HTT: variants seen among roughly 807,000 people sequenced by gnomAD.
The protein encoded by HTT is huntington disease protein.
A neutral mutation model predicts 362.3 loss-of-function variants in HTT; 104 were observed. The observed-to-expected ratio is 0.29, with a 90% CI of 0.24 to 0.34. HTT has a LOEUF of 0.34. Ranked by LOEUF, HTT falls within the 10% of genes least tolerant of loss-of-function variation. The pLI, the probability that HTT is intolerant of heterozygous loss-of-function variation, is 1.00. For synonymous variants in HTT, 1,577 were observed against 1,548.7 expected (o/e 1.02, Z -0.43); for missense variants, 3,301 against 3,928.6 (o/e 0.84, Z 4.27).
At chr4:3,196,302 G>A (rs145880222) in intron 40 of HTT, among the ~76,000 whole-genome samples, 57 of 152,222 alleles carry the variant, frequency 3.7e-4, no homozygotes, top group African/African-American at 1.3e-3. Flanking sequence ...ACATCCCAGC[G>A]GAACAGGGGA....
intron 41 of HTT, among the ~76,000 whole-genome samples, chr4:3,202,328 G>A (rs1719622144): frequency 6.6e-6 from 1 of 152,130 alleles, no homozygotes; most frequent in Non-Finnish European, 1.5e-5. Context: ...GTTGACAGTG[G>A]ACCTTCTTTA....
chr4:3,181,433 T>C (rs79631914), intron 36 of HTT, among the ~76,000 whole-genome samples: 2,079 of 152,322 alleles, frequency 0.014, 39 homozygotes, highest in African/African-American at 0.043. Context: ...AGCTGATTTC[T>C]GGTTTTGTTT....
At chr4:3,125,470 C>A in intron 10 of HTT, 79 bp from the exon 11 acceptor site, 1 of 841,358 alleles carries the variant, frequency 1.2e-6, no homozygotes, top group Non-Finnish European at 2.0e-6. Flanking sequence ...TTATGAGTTT[C>A]ATTTTAGAGT....
At chr4:3,225,416 T>C (rs951571904) in intron 56 of HTT, among the ~76,000 whole-genome samples, 13 of 152,224 alleles carry the variant, frequency 8.5e-5, no homozygotes, top group African/African-American at 3.1e-4. Flanking sequence ...TGCAGTCTTA[T>C]TTGTCATAGA....
intron 6 of HTT, among the ~76,000 whole-genome samples, chr4:3,110,069 C>G (rs1182381280): frequency 2.0e-5 from 3 of 152,188 alleles, no homozygotes; most frequent in Non-Finnish European, 4.4e-5. Flanking sequence ...ATGTCGTGTT[C>G]AATCTTCTTC....
At chr4:3,207,406 T>A in intron 45 of HTT, 49 bp downstream of exon 45, 1 of 1,408,282 alleles carries the variant, frequency 7.1e-7, no homozygotes, top group Non-Finnish European at 9.9e-7. Flanking sequence ...ACCCAGGATA[T>A]AAAGGATATA....
rs144035877 is a variant in HTT, at chr4:3,146,878, G to A, written c.3225G>A (p.Ser1075=). Residue 1075 remains serine (S), a synonymous_variant, in exon 25 of 67, where the codon TCG becomes TCA. Transcript: ENST00000355072. ...GMATMILTLL[S]SAWFPLDLSA... The stretch of plus-strand genomic sequence containing the variant: ...CCACAATGATTCTGACCCTGCTCTC[G>A]TCAGCTTGGTTCCCATTGGATCTCT... The A allele has an allele frequency of 3.1e-6, 5 of 1,614,148 alleles. No homozygotes were observed. The highest frequency in any genetic ancestry group is 3.3e-5 in the Admixed American group (2 of 60,028).
chr4:3,124,814 T>C (rs183806856), intron 10 of HTT, among the ~76,000 whole-genome samples: 1 of 152,334 alleles, frequency 6.6e-6, no homozygotes. Flanking sequence ...ATGGAAGTTA[T>C]CATACTTCTG....
chr4:3,198,516 C>A (rs1034418363), intron 40 of HTT, among the ~76,000 whole-genome samples: 1 of 152,186 alleles, frequency 6.6e-6, no homozygotes, highest in Admixed American at 6.5e-5. Flanking sequence ...TGAGCCACCA[C>A]ACCCGGCCTG....
At chr4:3,198,835 T>C (rs2110261014) in intron 40 of HTT, among the ~76,000 whole-genome samples, 1 of 152,354 alleles carries the variant, frequency 6.6e-6, no homozygotes, top group Non-Finnish European at 1.5e-5. Context: ...CCGCTTGGCC[T>C]GCCTAGGCCC....
At chr4:3,085,191 G>A (rs1437928783) in intron 1 of HTT, among the ~76,000 whole-genome samples, 1 of 151,596 alleles carries the variant, frequency 6.6e-6, no homozygotes, top group Non-Finnish European at 1.5e-5. Flanking sequence ...AGGCTAGAGT[G>A]CAATGGCGCA....
intron 65 of HTT, 88 bp from the exon 66 acceptor site, chr4:3,238,730 G>GCCCCCCCCCCCCCCCC: frequency 4.6e-6 from 5 of 1,096,996 alleles, no homozygotes; most frequent in Admixed American, 2.1e-5. Context: ...AATGCCTCTG[G>GCCCCCCCCCCCCCCCC]CCCCCACCCC....
intron 57 of HTT, among the ~76,000 whole-genome samples, chr4:3,226,542 G>A (rs1414690846): frequency 1.3e-5 from 2 of 152,230 alleles, no homozygotes; most frequent in African/African-American, 2.4e-5. Flanking sequence ...CCCTACAGGT[G>A]TATGCTGGGC....
At chr4:3,121,599 G>C in intron 9 of HTT, 167 bp downstream of exon 9, 1 of 569,082 alleles carries the variant, frequency 1.8e-6, no homozygotes, top group Non-Finnish European at 3.1e-6. Flanking sequence ...AGTTGGGCTG[G>C]GTGTGGTGGC....
chr4:3,172,171 A>G (rs1718012916), intron 29 of HTT, 149 bp from the exon 30 acceptor site: 1 of 645,002 alleles, frequency 1.6e-6, no homozygotes, highest in Non-Finnish European at 2.8e-6. Context: ...TGACTGTTCA[A>G]AATAAGAAAT....
chr4:3,116,077 C>T lies in HTT; in HGVS notation c.890-8C>T, dbSNP rs1176802724. On this transcript the variant is annotated splice_polypyrimidine_tract_variant and splice_region_variant and intron_variant, in intron 7 of 66. Transcript: ENST00000355072. ...AGATGTTAAGATGTCTTGCTTCCAC[C>T]CCCACAGGCTTACTCGTTCCTGTCG... 1 of 1,598,636 alleles carries T rather than the reference C, an allele frequency of 6.3e-7. No homozygotes were observed. Among genetic ancestry groups the T allele is most frequent in the Non-Finnish European group, 8.6e-7 (1 of 1,168,454 alleles).
chr4:3,180,294 TC>T, intron 35 of HTT, among the ~76,000 whole-genome samples: 1 of 152,208 alleles, frequency 6.6e-6, no homozygotes, highest in East Asian at 1.9e-4. Flanking sequence ...AGGTTTTTTT[TC>T]TTTTTTTAGA....
intron 47 of HTT, among the ~76,000 whole-genome samples, chr4:3,210,261 G>A (rs1720088707): frequency 6.6e-6 from 1 of 152,192 alleles, no homozygotes; most frequent in Non-Finnish European, 1.5e-5. Context: ...TATGGTTTGG[G>A]ATGAGAACTA....
chr4:3,107,388 T>C lies in HTT; in HGVS notation c.712T>C (p.Ser238Pro). ...TGCAGCTGTTCCCAAAATTATGGCT[T>C]CTTTTGGCAATTTTGCAAATGACAA... is the stretch of plus-strand genomic sequence containing the variant. The part of the protein sequence containing the change: ...LAAAVPKIMA[S>P]FGNFANDNEI... The change falls in exon 6 of 67, where the codon TCT (serine) becomes CCT (proline). Residue 238 changes from serine (S) to proline (P), a missense_variant. By Grantham distance (74) the Ser-to-Pro change is moderately conservative (BLOSUM62 -1). Transcript: ENST00000355072. The C allele has an allele frequency of 6.2e-7, 1 of 1,614,208 alleles. No individual in the cohort carries two copies. Among genetic ancestry groups the C allele is most frequent in the South Asian group, 1.1e-5 (1 of 91,088 alleles).
Sources: gnomAD v4.1 joint callset for allele counts (sites outside exome capture counted in the v4.1 genomes callset) on GRCh38, gnomAD v4.1.1 for gene constraint, MANE v1.5 for transcripts, NCBI Gene and HGNC (gene_info 2026-07-23, HGNC 2026-07-21) for gene names.